The following CAPZA1 variants were observed in gnomAD, a reference collection of about 807,000 sequenced individuals.
CAPZA1 encodes the protein capping actin protein of muscle Z-line subunit alpha 1.
Under a neutral mutation model 40.8 loss-of-function variants are expected in CAPZA1, and 10 were observed. The ratio of observed to expected loss-of-function variants is 0.25; its 90% CI spans 0.15 to 0.42. CAPZA1 has a LOEUF of 0.42. Among genes scored for constraint, CAPZA1 ranks in the 10% least tolerant of loss-of-function variants. CAPZA1 has a pLI of 1.00. For synonymous variants in CAPZA1, 98 were observed against 115.0 expected, an observed-to-expected ratio of 0.85 and a Z score of 0.95; for missense variants, 277 against 353.8, an observed-to-expected ratio of 0.78 and a Z score of 1.74.
intron 6 of CAPZA1, 138 bp downstream of exon 6, chr1:112,659,239 C>T (rs1357222646): frequency 1.5e-6 from 1 of 647,632 alleles, no homozygotes; most frequent in Admixed American, 2.8e-5. Context: ...GATTTAGATT[C>T]CTTACAGTTC....
chr1:112,640,499 GC>G (rs1177270322), intron 1 of CAPZA1, among the ~76,000 whole-genome samples: 2 of 130,454 alleles, frequency 1.5e-5, no homozygotes, highest in Admixed American at 8.2e-5. Flanking sequence ...GGGGGGGTCA[GC>G]CCCCCGTCCG....
chr1:112,624,005 CAAAA>C (rs749422218), intron 1 of CAPZA1, among the ~76,000 whole-genome samples: 1 of 74,802 alleles, frequency 1.3e-5, no homozygotes. Flanking sequence ...GACTCCATCT[CAAAA>C]AAAAAAAAAA....
chr1:112,663,109 C>T (rs920621190), intron 7 of CAPZA1, among the ~76,000 whole-genome samples: 10 of 152,058 alleles, frequency 6.6e-5, no homozygotes, highest in Non-Finnish European at 1.2e-4. Context: ...GGCGTACAGG[C>T]GCATGCCACC....
At chr1:112,645,796 A>G (rs1435845437) in intron 1 of CAPZA1, among the ~76,000 whole-genome samples, 5 of 151,990 alleles carry the variant, frequency 3.3e-5, no homozygotes, top group Non-Finnish European at 7.4e-5. Flanking sequence ...TAAAAATTGA[A>G]CAGTCAAAAT....
At chr1:112,645,350 C>T (rs1263457847) in intron 1 of CAPZA1, among the ~76,000 whole-genome samples, 2 of 152,162 alleles carry the variant, frequency 1.3e-5, no homozygotes, top group Non-Finnish European at 2.9e-5. Context: ...TTATACTGGG[C>T]ACAGTGGCTC....
intron 1 of CAPZA1, among the ~76,000 whole-genome samples, chr1:112,638,655 C>T (rs544694716): frequency 6.6e-6 from 1 of 152,094 alleles, no homozygotes; most frequent in East Asian, 1.9e-4. Flanking sequence ...ATATATCAGG[C>T]CGGGCACAGT....
At chr1:112,648,880 T>C (rs1469184927) in intron 2 of CAPZA1, among the ~76,000 whole-genome samples, 1 of 151,968 alleles carries the variant, frequency 6.6e-6, no homozygotes, top group Non-Finnish European at 1.5e-5. Context: ...GGAGAATCTC[T>C]TGAACTGGGG....
rs764250947 is a variant in CAPZA1, at chr1:112,647,214, G to A, written c.44G>A (p.Arg15His). The change falls in exon 2 of 10, where the codon CGC becomes CAC. Residue 15 changes from arginine (R) to histidine (H), a missense_variant. Physicochemically the swap from Arg to His is conservative, Grantham distance 29. Around this residue, in one of 2 missense-constraint regions of CAPZA1, gnomAD observed 85 missense variants for 76.5 expected, o/e 1.11. Coordinates refer to ENST00000263168, the MANE Select transcript of CAPZA1 (RefSeq NM_006135.3). ...DDRVSDEEKV[R>H]IAAKFITHAP... ...GTAAATTTTGTTTCTCTTTAGGTAC[G>A]CATAGCTGCTAAATTCATCACTCAT... The A allele has an allele frequency of 1.7e-5, 25 of 1,506,504 alleles. No homozygotes were observed. The highest frequency in any genetic ancestry group is 1.8e-4 in the Middle Eastern group (1 of 5,508). 93.3% of individuals were successfully genotyped at this position (1,506,504 alleles called of 1,614,324 possible).
At chr1:112,666,907 A>G in intron 7 of CAPZA1, 167 bp from the exon 8 acceptor site, 3 of 563,468 alleles carry the variant, frequency 5.3e-6, no homozygotes, top group Non-Finnish European at 9.6e-6. Context: ...TGTTCTGTGG[A>G]TTAATTAACC....
At chr1:112,669,761 G>A (rs1196717188) in intron 9 of CAPZA1, among the ~76,000 whole-genome samples, 156 bp downstream of exon 9, 2 of 152,192 alleles carry the variant, frequency 1.3e-5, no homozygotes, top group African/African-American at 2.4e-5. Flanking sequence ...TTGGCATTCT[G>A]CTTACAGTCA....
chr1:112,656,423 A>G (rs913594208), intron 5 of CAPZA1, among the ~76,000 whole-genome samples: 28 of 127,904 alleles, frequency 2.2e-4, no homozygotes, highest in African/African-American at 8.3e-4. Flanking sequence ...ATGTTAGGCT[A>G]GGTGTCATTA....
chr1:112,620,119 G>A (rs1218741177), intron 1 of CAPZA1: 2 of 450,424 alleles, frequency 4.4e-6, no homozygotes, highest in East Asian at 7.2e-5. Context: ...CACAGCCCAG[G>A]GGCCTCCCTG....
intron 1 of CAPZA1, among the ~76,000 whole-genome samples, chr1:112,625,712 C>T (rs1260959737): frequency 6.6e-6 from 1 of 152,194 alleles, no homozygotes; most frequent in African/African-American, 2.4e-5. Context: ...TTCAGCTTCC[C>T]ACCCCCATAA....
At position 112,655,458 on chromosome 1, in the gene CAPZA1, CAG is replaced by C. The variant is rs554923433; in HGVS notation, c.426+790_426+791del. On this transcript the variant is annotated intron_variant, in intron 5 of 9. Transcript: ENST00000263168. ...CACCACTGCATTCCAGCCTGGGCAA[CAG>C]AGTGAGACACTGTCTCAAAAAAACA... Among the ~76,000 whole-genome samples the C allele has an allele frequency of 1.9e-3, 294 of 151,862 alleles. 1 individual carries two copies. The highest frequency in any genetic ancestry group is 6.9e-3 in the African/African-American group (284 of 41,422).
At chr1:112,634,437 G>A (rs1027107677) in intron 1 of CAPZA1, among the ~76,000 whole-genome samples, 1 of 152,014 alleles carries the variant, frequency 6.6e-6, no homozygotes, top group African/African-American at 2.4e-5. Context: ...GTTATTGGTG[G>A]GGATTATTAT....
chr1:112,619,991 G>C (rs1380346525), intron 1 of CAPZA1, 108 bp downstream of exon 1: 4 of 892,330 alleles, frequency 4.5e-6, no homozygotes, highest in Non-Finnish European at 3.5e-6. Flanking sequence ...AAGCTTCTTG[G>C]TCCATGCTGA....
At position 112,667,091 on chromosome 1, in the gene CAPZA1, T is replaced by A. The variant is rs372425318; in HGVS notation, c.603T>A (p.Asp201Glu). The A allele has an allele frequency of 2.5e-6, 4 of 1,612,538 alleles. No individual in the cohort carries two copies. The highest frequency in any genetic ancestry group is 3.4e-6 in the Non-Finnish European group (4 of 1,179,276). The change falls in exon 8 of 10, where the codon GAT becomes GAA. Residue 201 changes from aspartate to glutamate, a missense_variant. By Grantham distance (45) the Asp-to-Glu change is conservative (BLOSUM62 2). Around this residue, in one of 2 missense-constraint regions of CAPZA1, gnomAD observed 192 missense variants for 277.2 expected, o/e 0.69. Transcript: ENST00000263168. The stretch of plus-strand genomic sequence containing the variant: ...TCACACAGGTTCACTATTATGAAGA[T>A]GGCAATGTTCAGTTGGTTAGTCATA... Reference protein sequence around the residue: ...VLKIQVHYYEDGNVQLVSHKD... With the variant: ...VLKIQVHYYEEGNVQLVSHKD...
intron 1 of CAPZA1, among the ~76,000 whole-genome samples, chr1:112,640,112 G>A (rs1197901160): frequency 8.1e-6 from 1 of 122,726 alleles, no homozygotes; most frequent in African/African-American, 3.1e-5. Context: ...CCTCTGCCCA[G>A]CCAGCCGCCC....
At chr1:112,644,003 C>T (rs1381376475) in intron 1 of CAPZA1, among the ~76,000 whole-genome samples, 5 of 151,806 alleles carry the variant, frequency 3.3e-5, no homozygotes. Flanking sequence ...TGCCACCATG[C>T]CCGGCTAAGT....
Sources: allele counts gnomAD v4.1 joint callset (sites outside exome capture counted in the v4.1 genomes callset), GRCh38; gene constraint gnomAD v4.1.1; regional missense constraint gnomAD v4.1.1; transcripts MANE v1.5; gene names NCBI Gene and HGNC (gene_info 2026-07-23, HGNC 2026-07-21).